The following VPS13B variants were observed in gnomAD, a reference collection of about 807,000 sequenced individuals.
VPS13B encodes intermembrane lipid transfer protein VPS13B.
Under a neutral mutation model 426.4 loss-of-function variants are expected in VPS13B, and 285 were observed. The ratio of observed to expected loss-of-function variants is 0.67; its 90% confidence interval spans 0.61 to 0.74. The LOEUF (loss-of-function observed/expected upper bound fraction) is 0.74, where lower values mean the gene tolerates loss of function less well. Ranked by LOEUF, VPS13B falls within the 30% of genes least tolerant of loss-of-function variation. VPS13B has a pLI of 0.00. For synonymous variants in VPS13B, 1,676 were observed against 1,676.4 expected, an observed-to-expected ratio of 1.00 and a Z score of 0.01; for missense variants, 4,537 against 4,782.6, an observed-to-expected ratio of 0.95 and a Z score of 1.51.
intron 36 of VPS13B, among the ~76,000 whole-genome samples, chr8:99,702,247 G>A (rs1016876592): frequency 1.3e-5 from 2 of 152,024 alleles, no homozygotes; most frequent in Non-Finnish European, 2.9e-5. Context: ...TTATACTTTA[G>A]TATATCTTTG....
intron 15 of VPS13B, among the ~76,000 whole-genome samples, chr8:99,161,395 G>A (rs1405747140): frequency 6.6e-6 from 1 of 152,052 alleles, no homozygotes; most frequent in Non-Finnish European, 1.5e-5. Context: ...TACTCAAGAA[G>A]GATGTTCACC....
At chr8:99,697,070 C>G (rs1029742794) in intron 35 of VPS13B, 32 of 539,794 alleles carry the variant, frequency 5.9e-5, no homozygotes, top group African/African-American at 5.6e-4. Context: ...TCCCATATCG[C>G]TACTCATCCT....
At chr8:99,086,476 G>A (rs1433021571) in intron 3 of VPS13B, among the ~76,000 whole-genome samples, 4 of 152,236 alleles carry the variant, frequency 2.6e-5, no homozygotes, top group East Asian at 1.9e-4. Context: ...GTCATTGTCC[G>A]TCCAGCTTTG....
chr8:99,098,217 A>C (rs1846529992), intron 4 of VPS13B, among the ~76,000 whole-genome samples: 2 of 152,060 alleles, frequency 1.3e-5, no homozygotes, highest in Non-Finnish European at 2.9e-5. Flanking sequence ...TGCTCCATAC[A>C]TTCTCTCCAG....
chr8:99,829,033 T>A (rs1006207834), intron 51 of VPS13B, among the ~76,000 whole-genome samples: 9 of 152,174 alleles, frequency 5.9e-5, no homozygotes, highest in Non-Finnish European at 1.3e-4. Flanking sequence ...GCCCTTAACA[T>A]TTTTTCCTTC....
intron 35 of VPS13B, among the ~76,000 whole-genome samples, chr8:99,682,695 T>C (rs1180311820): frequency 6.6e-6 from 1 of 152,198 alleles, no homozygotes; most frequent in Admixed American, 6.5e-5. Flanking sequence ...GAGTCATACC[T>C]GAAGCCAGCA....
intron 17 of VPS13B, among the ~76,000 whole-genome samples, chr8:99,215,613 G>A (rs1297420556): frequency 6.6e-6 from 1 of 152,128 alleles, no homozygotes; most frequent in Non-Finnish European, 1.5e-5. Flanking sequence ...TCCTGTGAAG[G>A]CACAGGTATG....
chr8:99,481,468 G>A, intron 24 of VPS13B, 131 bp from the exon 25 acceptor site: 2 of 973,060 alleles, frequency 2.1e-6, no homozygotes, highest in Non-Finnish European at 1.6e-6. Flanking sequence ...AGTGATCAGT[G>A]ATGCATTGGT....
intron 21 of VPS13B, among the ~76,000 whole-genome samples, chr8:99,395,194 G>C (rs1428035980): frequency 6.6e-6 from 1 of 152,156 alleles, no homozygotes; most frequent in Non-Finnish European, 1.5e-5. Context: ...GTAGAGACAG[G>C]AACTGAAGTT....
At chr8:99,081,600 C>T (rs1278026608) in intron 3 of VPS13B, among the ~76,000 whole-genome samples, 1 of 139,674 alleles carries the variant, frequency 7.2e-6, no homozygotes, top group East Asian at 2.2e-4. Context: ...AACAGGCCCC[C>T]ACCCCACAAC....
At chr8:99,187,137 A>C (rs1316235994) in intron 16 of VPS13B, among the ~76,000 whole-genome samples, 3 of 152,006 alleles carry the variant, frequency 2.0e-5, no homozygotes, top group African/African-American at 7.2e-5. Context: ...TTAATTGTAC[A>C]TTTTCGTATT....
chr8:99,323,381 G>A (rs1219966862), intron 19 of VPS13B, among the ~76,000 whole-genome samples: 1 of 152,160 alleles, frequency 6.6e-6, no homozygotes, highest in African/African-American at 2.4e-5. Context: ...AATATTTCCA[G>A]ATACTATGGT....
chr8:99,051,127 T>A (rs1409678712), intron 3 of VPS13B, among the ~76,000 whole-genome samples: 4 of 152,198 alleles, frequency 2.6e-5, no homozygotes, highest in Non-Finnish European at 5.9e-5. Context: ...CTGAATGGTA[T>A]TGCCTAGGTT....
At chr8:99,415,784 G>T (rs1815966636) in intron 21 of VPS13B, among the ~76,000 whole-genome samples, 1 of 152,156 alleles carries the variant, frequency 6.6e-6, no homozygotes, top group Non-Finnish European at 1.5e-5. Context: ...CCTTCCTCTG[G>T]AAGCTTCATC....
rs1481675275 is a variant in VPS13B, at chr8:99,520,976, C to T, written c.4711C>T (p.Leu1571Phe). Residue 1571 changes from leucine (L) to phenylalanine (F), a missense_variant, in exon 30 of 62, where the codon CTT becomes TTT. Leu to Phe is a conservative substitution (Grantham distance 22, BLOSUM62 0). Around this residue, in one of 2 missense-constraint regions of VPS13B, gnomAD observed 4,311 missense variants for 4,474.3 expected, o/e 0.96. Coordinates refer to ENST00000357162, the MANE Select transcript of VPS13B (RefSeq NM_152564.5). The part of the protein sequence containing the change: ...VAMAPQADNP[L>F]GRSVLRKDIY... Reference sequence around the variant, plus strand: ...CATGGCTCCCCAGGCTGACAATCCCCTTGGCAGATCTGTCCTTAGGAAAGA... The same window carrying T: ...CATGGCTCCCCAGGCTGACAATCCCTTTGGCAGATCTGTCCTTAGGAAAGA... 6.2e-6 allele frequency: 10 copies of T among 1,613,624 alleles called. No individual in the cohort carries two copies. Among genetic ancestry groups the T allele is most frequent in the Non-Finnish European group, 8.5e-6 (10 of 1,179,708 alleles).
intron 3 of VPS13B, among the ~76,000 whole-genome samples, chr8:99,087,878 A>T (rs1845921242): frequency 6.6e-6 from 1 of 151,756 alleles, no homozygotes; most frequent in Non-Finnish European, 1.5e-5. Context: ...TAGAAATACC[A>T]CCTATCAAAA....
chr8:99,686,325 C>G (rs774871259), intron 35 of VPS13B, among the ~76,000 whole-genome samples: 70 of 152,284 alleles, frequency 4.6e-4, no homozygotes, highest in Middle Eastern at 6.8e-3. Flanking sequence ...GAAGCCAACA[C>G]AGCACTGGGC....
At chr8:99,310,713 G>C (rs1820912179) in intron 19 of VPS13B, among the ~76,000 whole-genome samples, 1 of 152,188 alleles carries the variant, frequency 6.6e-6, no homozygotes, top group Non-Finnish European at 1.5e-5. Flanking sequence ...AAATGAGTTA[G>C]GGAGGATTCC....
intron 36 of VPS13B, among the ~76,000 whole-genome samples, chr8:99,703,180 A>G (rs1226759393): frequency 2.0e-5 from 3 of 152,176 alleles, no homozygotes; most frequent in African/African-American, 7.2e-5. Flanking sequence ...AAGCAGTTAA[A>G]GGAATTCCTC....
Sources: gnomAD v4.1 joint callset for allele counts (sites outside exome capture counted in the v4.1 genomes callset) on GRCh38, gnomAD v4.1.1 for gene constraint, gnomAD v4.1.1 regional missense constraint, MANE v1.5 for transcripts, NCBI Gene and HGNC (gene_info 2026-07-23, HGNC 2026-07-21) for gene names.